The following RRS1 variants were observed in gnomAD, a reference collection of about 807,000 sequenced individuals.
RRS1 encodes ribosome biogenesis regulatory protein homolog.
In RRS1, 10 loss-of-function variants were observed where a neutral mutation model predicts 23.1. The observed-to-expected ratio is 0.43, with a 90% confidence interval of 0.27 to 0.74. The LOEUF is 0.74. RRS1 is among the 30% of genes least tolerant of loss of function. RRS1 has a pLI of 0.19. For synonymous variants in RRS1, 198 were observed against 207.7 expected, an observed-to-expected ratio of 0.95 and a Z score of 0.40; for missense variants, 485 against 484.3, an observed-to-expected ratio of 1.00 and a Z score of -0.01.
chr8:66,429,770 G>C lies in RRS1; in HGVS notation c.639G>C (p.Gln213His), dbSNP rs770717866. ...SAAGLHPTGH[Q>H]SKEELGRAMQ... ...CCGGCTTGCACCCTACCGGACACCA[G>C]AGTAAGGAGGAGCTGGGCCGCGCCA... Residue 213 changes from glutamine to histidine, a missense_variant, in exon 1 of 1, where the codon CAG becomes CAC. Coordinates refer to ENST00000320270, the MANE Select transcript of RRS1 (RefSeq NM_015169.4). The surrounding 1 kb of genome is among the most constrained non-coding windows in gnomAD (Gnocchi z 5.1). 1 of 1,612,754 alleles carries C rather than the reference G, an allele frequency of 6.2e-7. No homozygotes were observed. Among genetic ancestry groups the C allele is most frequent in the Admixed American group, 1.7e-5 (1 of 60,022 alleles).
rs1253556990 is a variant in RRS1 at position 66,429,743 on chromosome 8, G to C, written c.612G>C (p.Ala204=). ...ARAHKMQLPS[A]AGLHPTGHQS... ...CGCACAAGATGCAGCTGCCCAGCGC[G>C]GCCGGCTTGCACCCTACCGGACACC... The change falls in exon 1 of 1, where the codon GCG becomes GCC. Residue 204 remains alanine (A), a synonymous_variant. Transcript: ENST00000320270. This position sits in a 1 kb window ranked among gnomAD's most constrained non-coding sequence, Gnocchi z 5.1. The C allele has an allele frequency of 6.2e-7, 1 of 1,612,732 alleles. No individual in the cohort carries two copies. Among genetic ancestry groups the C allele is most frequent in the Admixed American group, 1.7e-5 (1 of 60,016 alleles).
In RRS1 at chr8:66,429,506, C is replaced by CAAG; in HGVS notation, c.383_385dup (p.Lys128dup). The CAAG allele has an allele frequency of 3.7e-6, 6 of 1,606,990 alleles. No individual in the cohort carries two copies. Among genetic ancestry groups the CAAG allele is most frequent in the Non-Finnish European group, 4.2e-6 (5 of 1,177,004 alleles). On this transcript the variant is annotated inframe_insertion, in exon 1 of 1. Transcript: ENST00000320270. The surrounding 1 kb of genome is among the most constrained non-coding windows in gnomAD (Gnocchi z 5.1). ...TCGCGCGCCTCAAGGGCATCCGTCC[C>CAAG]AAGAAGAAGACCAACCTGGTGTGGG...
At position 66,429,732 on chromosome 8, in the gene RRS1, C is replaced by T; in HGVS notation, c.601C>T (p.Leu201=). ...RNLARAHKMQ[L]PSAAGLHPTG... The stretch of plus-strand genomic sequence containing the variant: ...CCTGGCCCGCGCGCACAAGATGCAG[C>T]TGCCCAGCGCGGCCGGCTTGCACCC... The change falls in exon 1 of 1, where the codon CTG becomes TTG. Residue 201 remains leucine (L), a synonymous_variant. Coordinates refer to ENST00000320270, the MANE Select transcript of RRS1 (RefSeq NM_015169.4). This position sits in a 1 kb window ranked among gnomAD's most constrained non-coding sequence, Gnocchi z 5.1. 2 of 1,612,814 alleles carry T rather than the reference C, an allele frequency of 1.2e-6. No homozygotes were observed. Among genetic ancestry groups the T allele is most frequent in the Non-Finnish European group, 1.7e-6 (2 of 1,179,982 alleles).
Position 66,430,332 on chromosome 8 carries a change from T to C in RRS1, c.*103T>C. 1 of 1,261,864 alleles carries C rather than the reference T, an allele frequency of 7.9e-7. No individual in the cohort carries two copies. The highest frequency in any genetic ancestry group is 1.1e-6 in the Non-Finnish European group (1 of 896,622). 78.2% of individuals were successfully genotyped at this position (1,261,864 alleles called of 1,614,324 possible). On this transcript the variant is annotated 3_prime_UTR_variant, in exon 1 of 1. Coordinates refer to ENST00000320270, the MANE Select transcript of RRS1 (RefSeq NM_015169.4). ...GACTCAGAAGGACCTGGCCGCTGCC[T>C]TCATTGAGTTTAAAGGGACAGGATT...
chr8:66,430,060 G>T lies in RRS1; in HGVS notation c.929G>T (p.Gly310Val). 1 of 1,610,890 alleles carries T rather than the reference G, an allele frequency of 6.2e-7. No individual in the cohort carries two copies. Among genetic ancestry groups the T allele is most frequent in the Non-Finnish European group, 8.5e-7 (1 of 1,179,070 alleles). Residue 310 changes from glycine to valine, a missense_variant, in exon 1 of 1, where the codon GGC becomes GTC. Gly to Val is a moderately radical substitution (Grantham distance 109). Transcript: ENST00000320270. ...AAKRRKMSQK[G>V]KRKGGRQGPG... ...AAGAGGAGGAAAATGAGCCAGAAGGGCAAGAGAAAGGGAGGCCGGCAGGGG... is the reference window on the plus strand; with the variant it reads ...AAGAGGAGGAAAATGAGCCAGAAGGTCAAGAGAAAGGGAGGCCGGCAGGGG...
At position 66,429,871 on chromosome 8, in the gene RRS1, G is replaced by T. The variant is rs1403669607; in HGVS notation, c.740G>T (p.Gly247Val). 6.2e-7 allele frequency: 1 copy of T among 1,613,900 alleles called. No individual in the cohort carries two copies. Among genetic ancestry groups the T allele is most frequent in the Non-Finnish European group, 8.5e-7 (1 of 1,180,042 alleles). Reference sequence around the variant, plus strand: ...CTCCCCAAGGAGAAGGTGCCCCGGGGCTCCGGCAAGAAAAGGAAGTTTCAA... The same window carrying T: ...CTCCCCAAGGAGAAGGTGCCCCGGGTCTCCGGCAAGAAAAGGAAGTTTCAA... ...ERLPKEKVPR[G>V]SGKKRKFQPL... The change falls in exon 1 of 1, where the codon GGC (glycine) becomes GTC (valine). Residue 247 changes from glycine (G) to valine (V), a missense_variant. Transcript: ENST00000320270. The surrounding 1 kb of genome is among the most constrained non-coding windows in gnomAD (Gnocchi z 5.1).
In RRS1 at chr8:66,429,801, G is replaced by A; in HGVS notation, c.670G>A (p.Val224Met). 1 of 1,613,038 alleles carries A rather than the reference G, an allele frequency of 6.2e-7. No individual in the cohort carries two copies. Among genetic ancestry groups the A allele is most frequent in the African/African-American group, 1.3e-5 (1 of 75,070 alleles). ...SKEELGRAMQ[V>M]AKVSTASVGR... ...GGAGGAGCTGGGCCGCGCCATGCAA[G>A]TGGCCAAGGTCTCCACCGCCTCTGT... Residue 224 changes from valine to methionine, a missense_variant, in exon 1 of 1, where the codon GTG becomes ATG. Transcript: ENST00000320270. The surrounding 1 kb of genome is among the most constrained non-coding windows in gnomAD (Gnocchi z 5.1).
chr8:66,429,151 AGGAG>A lies in RRS1; in HGVS notation c.21_24del (p.Glu7AspfsTer81). On this transcript the variant is annotated frameshift_variant, in exon 1 of 1. Coordinates refer to ENST00000320270, the MANE Select transcript of RRS1 (RefSeq NM_015169.4). LOFTEE classifies it high-confidence loss of function. This position sits in a 1 kb window ranked among gnomAD's most constrained non-coding sequence, Gnocchi z 5.1. Reference sequence around the variant, plus strand: ...GGAGCCATGGAGGGCCAGAGCGTGGAGGAGCTGCTCGCAAAGGCAGAGCAGGACG... The same window carrying A: ...GGAGCCATGGAGGGCCAGAGCGTGGACTGCTCGCAAAGGCAGAGCAGGACG... 6.2e-7 allele frequency: 1 copy of A among 1,610,806 alleles called. No homozygotes were observed. The highest frequency in any genetic ancestry group is 8.5e-7 in the Non-Finnish European group (1 of 1,177,962).
At position 66,429,186 on chromosome 8, in the gene RRS1, G is replaced by A. The variant is rs1174146775; in HGVS notation, c.55G>A (p.Glu19Lys). 6.2e-7 allele frequency: 1 copy of A among 1,613,784 alleles called. No homozygotes were observed. The highest frequency in any genetic ancestry group is 8.5e-7 in the Non-Finnish European group (1 of 1,179,958). ...LLAKAEQDEA[E>K]KLQRITVHKE... ...CGCAAAGGCAGAGCAGGACGAGGCAGAGAAGTTGCAACGCATCACGGTGCA... is the reference window on the plus strand; with the variant it reads ...CGCAAAGGCAGAGCAGGACGAGGCAAAGAAGTTGCAACGCATCACGGTGCA... The change falls in exon 1 of 1, where the codon GAG becomes AAG. Residue 19 changes from glutamate (E) to lysine (K), a missense_variant. By Grantham distance (56) the Glu-to-Lys change is moderately conservative (BLOSUM62 1). Transcript: ENST00000320270. This position sits in a 1 kb window ranked among gnomAD's most constrained non-coding sequence, Gnocchi z 5.1.
Position 66,429,183 on chromosome 8 carries a change from G to A in RRS1, c.52G>A (p.Ala18Thr). Residue 18 changes from alanine to threonine, a missense_variant, in exon 1 of 1, where the codon GCA becomes ACA. Transcript: ENST00000320270. The surrounding 1 kb of genome is among the most constrained non-coding windows in gnomAD (Gnocchi z 5.1). Reference sequence around the variant, plus strand: ...GCTCGCAAAGGCAGAGCAGGACGAGGCAGAGAAGTTGCAACGCATCACGGT... The same window carrying A: ...GCTCGCAAAGGCAGAGCAGGACGAGACAGAGAAGTTGCAACGCATCACGGT... ...ELLAKAEQDEAEKLQRITVHK... is the reference protein window; with the variant it reads ...ELLAKAEQDETEKLQRITVHK... The A allele has an allele frequency of 6.2e-7, 1 of 1,613,750 alleles. No homozygotes were observed. Among genetic ancestry groups the A allele is most frequent in the Non-Finnish European group, 8.5e-7 (1 of 1,179,936 alleles).
In RRS1 at chr8:66,429,063, G is replaced by T; in HGVS notation, c.-69G>T. The T allele has an allele frequency of 2.6e-6, 4 of 1,534,954 alleles. No individual in the cohort carries two copies. Among genetic ancestry groups the T allele is most frequent in the Non-Finnish European group, 3.5e-6 (4 of 1,139,332 alleles). On this transcript the variant is annotated 5_prime_UTR_variant, in exon 1 of 1. Coordinates refer to ENST00000320270, the MANE Select transcript of RRS1 (RefSeq NM_015169.4). The surrounding 1 kb of genome is among the most constrained non-coding windows in gnomAD (Gnocchi z 5.1). ...ATCTGCACGTGGTTATGCTGCCGGA[G>T]TTTGGGCCGCCACTGTAGGAAAAGT...
At position 66,430,146 on chromosome 8, in the gene RRS1, G is replaced by A; in HGVS notation, c.1015G>A (p.Gly339Arg). Residue 339 changes from glycine (G) to arginine (R), a missense_variant, in exon 1 of 1, where the codon GGA (glycine) becomes AGA (arginine). By Grantham distance (125) the Gly-to-Arg change is moderately radical. Transcript: ENST00000320270. ...SQGGKRKGGL[G>R]GKMNSGPPGL... ...GGGAGGGAAGAGGAAAGGGGGCTTGGGAGGCAAGATGAATTCTGGGCCGCC... is the reference window on the plus strand; with the variant it reads ...GGGAGGGAAGAGGAAAGGGGGCTTGAGAGGCAAGATGAATTCTGGGCCGCC... The A allele has an allele frequency of 6.2e-7, 1 of 1,614,126 alleles. No homozygotes were observed. The highest frequency in any genetic ancestry group is 8.5e-7 in the Non-Finnish European group (1 of 1,180,016).
In RRS1 at chr8:66,429,082, G is replaced by A. The variant is rs1805160618; in HGVS notation, c.-50G>A. Reference sequence around the variant, plus strand: ...GCCGGAGTTTGGGCCGCCACTGTAGGAAAAGTAACTTCAGCTGCAGCCCCA... The same window carrying A: ...GCCGGAGTTTGGGCCGCCACTGTAGAAAAAGTAACTTCAGCTGCAGCCCCA... On this transcript the variant is annotated 5_prime_UTR_variant, in exon 1 of 1. Transcript: ENST00000320270. This position sits in a 1 kb window ranked among gnomAD's most constrained non-coding sequence, Gnocchi z 5.1. 6.4e-7 allele frequency: 1 copy of A among 1,552,800 alleles called. No individual in the cohort carries two copies. The highest frequency in any genetic ancestry group is 2.3e-5 in the East Asian group (1 of 43,930).
Position 66,429,184 on chromosome 8 carries a change from C to A in RRS1, c.53C>A (p.Ala18Glu). The change falls in exon 1 of 1, where the codon GCA becomes GAA. Residue 18 changes from alanine (A) to glutamate (E), a missense_variant. Ala to Glu is a moderately radical substitution (Grantham distance 107, BLOSUM62 -1). Coordinates refer to ENST00000320270, the MANE Select transcript of RRS1 (RefSeq NM_015169.4). This position sits in a 1 kb window ranked among gnomAD's most constrained non-coding sequence, Gnocchi z 5.1. The part of the protein sequence containing the change: ...ELLAKAEQDE[A>E]EKLQRITVHK... ...CTCGCAAAGGCAGAGCAGGACGAGG[C>A]AGAGAAGTTGCAACGCATCACGGTG... is the stretch of plus-strand genomic sequence containing the variant. The A allele has an allele frequency of 6.2e-7, 1 of 1,613,658 alleles. No homozygotes were observed. The highest frequency in any genetic ancestry group is 8.5e-7 in the Non-Finnish European group (1 of 1,179,898).
chr8:66,429,213 A>G lies in RRS1; in HGVS notation c.82A>G (p.Lys28Glu), dbSNP rs1319340797. The change falls in exon 1 of 1, where the codon AAG becomes GAG. Residue 28 changes from lysine (K) to glutamate (E), a missense_variant. Physicochemically the swap from Lys to Glu is moderately conservative, Grantham distance 56. Transcript: ENST00000320270. This position sits in a 1 kb window ranked among gnomAD's most constrained non-coding sequence, Gnocchi z 5.1. ...GAAGTTGCAACGCATCACGGTGCAC[A>G]AGGAGCTGGAGCTGCAGTTTGACCT... ...AEKLQRITVH[K>E]ELELQFDLGN... 6 of 1,612,998 alleles carry G rather than the reference A, an allele frequency of 3.7e-6. No homozygotes were observed. The Admixed American group carries it at 5.0e-5, about 13-fold the overall frequency.
rs144911629 is a variant in RRS1, at chr8:66,429,127, G to T, written c.-5G>T. 432 of 1,599,816 alleles carry T rather than the reference G, an allele frequency of 2.7e-4. No individual in the cohort carries two copies. In the African/African-American group the frequency reaches 5.5e-3, roughly 20 times the overall value. On this transcript the variant is annotated 5_prime_UTR_variant, in exon 1 of 1. Coordinates refer to ENST00000320270, the MANE Select transcript of RRS1 (RefSeq NM_015169.4). This position sits in a 1 kb window ranked among gnomAD's most constrained non-coding sequence, Gnocchi z 5.1. ...GCCCCAAAGCGAGTGAGCCGAGCCGGAGCCATGGAGGGCCAGAGCGTGGAG... is the reference window on the plus strand; with the variant it reads ...GCCCCAAAGCGAGTGAGCCGAGCCGTAGCCATGGAGGGCCAGAGCGTGGAG...
At position 66,429,046 on chromosome 8, in the gene RRS1, G is replaced by C; in HGVS notation, c.-86G>C. The C allele has an allele frequency of 4.6e-6, 7 of 1,508,064 alleles. No individual in the cohort carries two copies. The highest frequency in any genetic ancestry group is 4.4e-6 in the Non-Finnish European group (5 of 1,124,120). 93.4% of individuals were successfully genotyped at this position (1,508,064 alleles called of 1,614,324 possible). ...GGATTGGGCATCCCGGCATCTGCAC[G>C]TGGTTATGCTGCCGGAGTTTGGGCC... is the stretch of plus-strand genomic sequence containing the variant. On this transcript the variant is annotated 5_prime_UTR_variant, in exon 1 of 1. Transcript: ENST00000320270. The surrounding 1 kb of genome is among the most constrained non-coding windows in gnomAD (Gnocchi z 5.1).
rs1805204744 is a variant in RRS1 at position 66,430,533 on chromosome 8, G to A, written c.*304G>A. 1 of 345,858 alleles carries A rather than the reference G, an allele frequency of 2.9e-6. No homozygotes were observed. Among genetic ancestry groups the A allele is most frequent in the Admixed American group, 4.4e-5 (1 of 22,546 alleles). The allele number at this position is 345,858 out of a possible 1,614,324, so 21.4% of individuals were successfully genotyped here. A position where few individuals can be genotyped will look rare whatever the true frequency, so the allele number is the denominator to read the frequency against. On this transcript the variant is annotated 3_prime_UTR_variant, in exon 1 of 1. Transcript: ENST00000320270. ...AGCCTTTTTTTTTCTTTTTAATGTT[G>A]GATATACGGCGAGGTAGAGTTGGCC... is the stretch of plus-strand genomic sequence containing the variant.
rs1322074711 is a variant in RRS1 at position 66,429,345 on chromosome 8, C to G, written c.214C>G (p.Leu72Val). The G allele has an allele frequency of 1.9e-6, 3 of 1,551,798 alleles. No individual in the cohort carries two copies. In the African/African-American group the frequency reaches 4.1e-5, roughly 21 times the overall value. Reference protein sequence around the residue: ...QALARDNTQLLINQLWQLPTE... With the variant: ...QALARDNTQLVINQLWQLPTE... Reference sequence around the variant, plus strand: ...CCTGGCGCGGGACAACACGCAACTGCTCATCAACCAGCTGTGGCAGCTGCC... The same window carrying G: ...CCTGGCGCGGGACAACACGCAACTGGTCATCAACCAGCTGTGGCAGCTGCC... The change falls in exon 1 of 1, where the codon CTC becomes GTC. Residue 72 changes from leucine to valine, a missense_variant. Coordinates refer to ENST00000320270, the MANE Select transcript of RRS1 (RefSeq NM_015169.4). This position sits in a 1 kb window ranked among gnomAD's most constrained non-coding sequence, Gnocchi z 5.1.
Sources: allele counts gnomAD v4.1 joint callset, GRCh38; gene constraint gnomAD v4.1.1; non-coding constraint Gnocchi (gnomAD v3.1); transcripts MANE v1.5; gene names NCBI Gene and HGNC (gene_info 2026-07-23, HGNC 2026-07-21).